The following NR3C2 variants were observed in gnomAD, a reference collection of about 807,000 sequenced individuals.
NR3C2 encodes mineralocorticoid receptor.
In NR3C2, 15 loss-of-function variants were observed where a neutral mutation model predicts 86.4. The observed-to-expected ratio is 0.17, with a 90% CI of 0.12 to 0.27. NR3C2 has a LOEUF of 0.27. Among genes scored for constraint, NR3C2 ranks in the 10% least tolerant of loss-of-function variants. The probability of loss-of-function intolerance (pLI) is 1.00; values close to 1 mark genes in which losing one functional copy is unlikely to be tolerated. For missense variants in NR3C2, 960 were observed against 1,195.6 expected (o/e 0.80, Z 2.91); for synonymous variants, 458 against 450.5 (o/e 1.02, Z -0.21).
chr4:148,187,712 C>G (rs1008833317), intron 4 of NR3C2, among the ~76,000 whole-genome samples: 3 of 152,150 alleles, frequency 2.0e-5, no homozygotes, highest in African/African-American at 7.2e-5. Flanking sequence ...TGCAAAAGCT[C>G]TTTAGTTTAA....
chr4:148,279,465 A>C (rs1741128868), intron 2 of NR3C2, among the ~76,000 whole-genome samples: 1 of 152,174 alleles, frequency 6.6e-6, no homozygotes, highest in African/African-American at 2.4e-5. Context: ...AGGCTTATGG[A>C]AAGAGGAAAC....
chr4:148,274,189 TAGTA>T (rs1561012993), intron 2 of NR3C2, among the ~76,000 whole-genome samples: 1 of 151,540 alleles, frequency 6.6e-6, no homozygotes, highest in Non-Finnish European at 1.5e-5. Context: ...TTTCCAAACA[TAGTA>T]AGTGTTTTAC....
Position 148,244,276 on chromosome 4 carries a change from C to T in NR3C2, c.1897+15702G>A, listed in dbSNP as rs549501031. The stretch of plus-strand genomic sequence containing the variant: ...TTTTGGGGTGAGAAGGGTGTCCATC[C>T]CAGGTATTTCTAGGAAAAACTGCTG... On this transcript the variant is annotated intron_variant, in intron 3 of 8. Transcript: ENST00000358102. Among the ~76,000 whole-genome samples the T allele has an allele frequency of 3.3e-5, 5 of 152,228 alleles. No homozygotes were observed. In the South Asian group the frequency reaches 1.0e-3, roughly 32 times the overall value.
At chr4:148,322,349 C>T (rs1312019229) in intron 2 of NR3C2, among the ~76,000 whole-genome samples, 54 of 142,444 alleles carry the variant, frequency 3.8e-4, no homozygotes, top group Middle Eastern at 3.5e-3. Flanking sequence ...ATCTGACAAT[C>T]ATGTGTCTTG....
chr4:148,184,400 A>G (rs1735791875), intron 4 of NR3C2, among the ~76,000 whole-genome samples: 1 of 151,974 alleles, frequency 6.6e-6, no homozygotes, highest in Non-Finnish European at 1.5e-5. Flanking sequence ...CGGAGGTTGC[A>G]GTGAGCATGC....
rs527251632 is a variant in NR3C2 at position 148,203,779 on chromosome 4, A to G, written c.1898-8917T>C. Among the ~76,000 whole-genome samples, 4 of 152,086 alleles carry G rather than the reference A, an allele frequency of 2.6e-5. No homozygotes were observed. In the East Asian group the frequency reaches 7.7e-4, roughly 29 times the overall value. On this transcript the variant is annotated intron_variant, in intron 3 of 8. Coordinates refer to ENST00000358102, the MANE Select transcript of NR3C2 (RefSeq NM_000901.5). ...AATTAACTTCCTCTGCTCAGTTAAA[A>G]CCAGTTTGGTCTGCCCATAATAAAC... is the stretch of plus-strand genomic sequence containing the variant.
chr4:148,257,760 A>T (rs898929446), intron 3 of NR3C2, among the ~76,000 whole-genome samples: 1 of 152,150 alleles, frequency 6.6e-6, no homozygotes, highest in African/African-American at 2.4e-5. Flanking sequence ...ACAAAAACAC[A>T]AAAACAAATA....
chr4:148,332,360 T>C (rs1744271617), intron 2 of NR3C2, among the ~76,000 whole-genome samples: 1 of 152,184 alleles, frequency 6.6e-6, no homozygotes, highest in African/African-American at 2.4e-5. Context: ...TAGGAGGACA[T>C]TTTTTGTTTT....
chr4:148,316,618 T>C (rs1396604551), intron 2 of NR3C2, among the ~76,000 whole-genome samples: 1 of 152,228 alleles, frequency 6.6e-6, no homozygotes, highest in African/African-American at 2.4e-5. Flanking sequence ...AGGAAATTTT[T>C]ATAATTAGCC....
At chr4:148,348,959 G>A (rs572942252) in intron 2 of NR3C2, among the ~76,000 whole-genome samples, 1 of 152,194 alleles carries the variant, frequency 6.6e-6, no homozygotes, top group Non-Finnish European at 1.5e-5. Flanking sequence ...GTTACCTTAA[G>A]TGTTACTCTA....
At chr4:148,390,776 A>G (rs1160829670) in intron 2 of NR3C2, among the ~76,000 whole-genome samples, 1 of 152,226 alleles carries the variant, frequency 6.6e-6, no homozygotes, top group African/African-American at 2.4e-5. Context: ...TCAGATTTTG[A>G]CAGGCCCCAA....
At chr4:148,154,299 C>T (rs1033159449) in intron 5 of NR3C2, among the ~76,000 whole-genome samples, 1 of 152,224 alleles carries the variant, frequency 6.6e-6, no homozygotes, top group Admixed American at 6.5e-5. Flanking sequence ...GCTGGGATTA[C>T]AGGCGTGAGC....
In NR3C2 at chr4:148,415,909, G is replaced by A. The variant is rs181934800; in HGVS notation, c.1757+19195C>T. On this transcript the variant is annotated intron_variant, in intron 2 of 8. Transcript: ENST00000358102. ...AAAGCAAGTAATCCTATTACTCATAGACAAACACCACTGATTTCGAGGCAT... is the reference window on the plus strand; with the variant it reads ...AAAGCAAGTAATCCTATTACTCATAAACAAACACCACTGATTTCGAGGCAT... Among the ~76,000 whole-genome samples, 478 of 152,048 alleles carry A rather than the reference G, an allele frequency of 3.1e-3. 2 individuals are homozygous for A. Among genetic ancestry groups the A allele is most frequent in the Middle Eastern group, 0.031 (9 of 294 alleles).
At chr4:148,408,223 G>A (rs959990633) in intron 2 of NR3C2, among the ~76,000 whole-genome samples, 1 of 152,074 alleles carries the variant, frequency 6.6e-6, no homozygotes, top group African/African-American at 2.4e-5. Flanking sequence ...AGAGGAAAGG[G>A]GTGTTACATG....
At chr4:148,181,584 C>T (rs1049844782) in intron 4 of NR3C2, among the ~76,000 whole-genome samples, 1 of 152,186 alleles carries the variant, frequency 6.6e-6, no homozygotes, top group African/African-American at 2.4e-5. Context: ...CCCTTCAGAA[C>T]ACTGGTAAAA....
At chr4:148,094,274 T>C (rs1430553783) in intron 8 of NR3C2, among the ~76,000 whole-genome samples, 1 of 152,152 alleles carries the variant, frequency 6.6e-6, no homozygotes, top group Non-Finnish European at 1.5e-5. Flanking sequence ...ATGTCACTGG[T>C]GAAAATGTAT....
At chr4:148,266,521 G>T (rs1740405962) in intron 2 of NR3C2, among the ~76,000 whole-genome samples, 1 of 152,182 alleles carries the variant, frequency 6.6e-6, no homozygotes, top group South Asian at 2.1e-4. Flanking sequence ...CAAAAATGTA[G>T]TCAATAAGGA....
chr4:148,150,812 T>C (rs910622905), intron 6 of NR3C2, among the ~76,000 whole-genome samples: 1 of 152,328 alleles, frequency 6.6e-6, no homozygotes, highest in Admixed American at 6.5e-5. Flanking sequence ...GATATATCTA[T>C]GATGGAATGT....
At chr4:148,356,968 A>T (rs886216343) in intron 2 of NR3C2, among the ~76,000 whole-genome samples, 1 of 151,590 alleles carries the variant, frequency 6.6e-6, no homozygotes, top group African/African-American at 2.4e-5. Context: ...AATCTAGAAG[A>T]CACAGTACTA....
Sources: allele counts gnomAD v4.1 joint callset (sites outside exome capture counted in the v4.1 genomes callset), GRCh38; gene constraint gnomAD v4.1.1; transcripts MANE v1.5; gene names NCBI Gene and HGNC (gene_info 2026-07-23, HGNC 2026-07-21).